Variants in CACNA1D observed in about 807,000 individuals in gnomAD.
The protein encoded by CACNA1D is voltage-dependent L-type calcium channel subunit alpha-1D.
CACNA1D carries 55 observed loss-of-function variants against 257.1 expected under a neutral mutation model. The observed-to-expected ratio is 0.21, with a 90% CI of 0.17 to 0.27. CACNA1D has a LOEUF of 0.27. Ranked by LOEUF, CACNA1D falls within the 10% of genes least tolerant of loss-of-function variation. CACNA1D has a pLI of 1.00. For missense variants in CACNA1D, 1,876 were observed against 2,784.0 expected (o/e 0.67, Z 7.34); for synonymous variants, 980 against 1,014.9 (o/e 0.97, Z 0.65).
At chr3:53,613,188 T>C (rs954728172) in intron 3 of CACNA1D, among the ~76,000 whole-genome samples, 1 of 152,272 alleles carries the variant, frequency 6.6e-6, no homozygotes, top group Non-Finnish European at 1.5e-5. Flanking sequence ...TTCTCTATAA[T>C]GTATTTATCA....
chr3:53,759,510 G>A (rs2095287785), intron 29 of CACNA1D, among the ~76,000 whole-genome samples: 1 of 152,244 alleles, frequency 6.6e-6, no homozygotes. Flanking sequence ...CGAACGCTGG[G>A]TCTCCTCCGC....
Position 53,495,199 on chromosome 3 carries a change from G to C in CACNA1D, c.33G>C (p.Gln11His). ...TGATGATGATGATGAAAAAAATGCA[G>C]CATCAACGGCAGCAGCAAGCGGACC... Reference protein sequence around the residue: MMMMMMMKKMQHQRQQQADHA... With the variant: MMMMMMMKKMHHQRQQQADHA... Residue 11 changes from glutamine (Q) to histidine (H), a missense_variant, in exon 1 of 48, where the codon CAG becomes CAC. By Grantham distance (24) the Gln-to-His change is conservative. Coordinates refer to ENST00000350061, the MANE Select transcript of CACNA1D (RefSeq NM_001128840.3). The surrounding 1 kb of genome is among the most constrained non-coding windows in gnomAD (Gnocchi z 5.1). The C allele has an allele frequency of 6.2e-7, 1 of 1,613,626 alleles. No individual in the cohort carries two copies. The highest frequency in any genetic ancestry group is 1.1e-5 in the South Asian group (1 of 91,072).
intron 15 of CACNA1D, among the ~76,000 whole-genome samples, chr3:53,729,499 G>T (rs1347133613): frequency 6.6e-6 from 1 of 152,016 alleles, no homozygotes; most frequent in Non-Finnish European, 1.5e-5. Context: ...CACAGAAGGG[G>T]GCCTTCTCAC....
chr3:53,596,826 A>G (rs1029514905), intron 3 of CACNA1D, among the ~76,000 whole-genome samples: 2 of 152,242 alleles, frequency 1.3e-5, no homozygotes, highest in African/African-American at 4.8e-5. Flanking sequence ...TGTTGTTTTA[A>G]GCTACTAAAT....
At chr3:53,655,949 T>G (rs1401060880) in intron 4 of CACNA1D, among the ~76,000 whole-genome samples, 1 of 152,228 alleles carries the variant, frequency 6.6e-6, no homozygotes, top group African/African-American at 2.4e-5. Context: ...TTGAGTTGAT[T>G]TTTGTATATA....
Position 53,495,755 on chromosome 3 carries a change from A to G in CACNA1D, c.67+522A>G, listed in dbSNP as rs1436484953. On this transcript the variant is annotated intron_variant, in intron 1 of 47. Coordinates refer to ENST00000350061, the MANE Select transcript of CACNA1D (RefSeq NM_001128840.3). The surrounding 1 kb of genome is among the most constrained non-coding windows in gnomAD (Gnocchi z 5.1). ...CTCGCGGGGGAGGCCCGGCCTCGGT[A>G]TCGGGGAAAGGGGTTCGGGTGGAGC... Among the ~76,000 whole-genome samples, 3 of 152,166 alleles carry G rather than the reference A, an allele frequency of 2.0e-5. No individual in the cohort carries two copies. The highest frequency in any genetic ancestry group is 6.5e-5 in the Admixed American group (1 of 15,288).
chr3:53,608,452 A>G (rs1268796563), intron 3 of CACNA1D, among the ~76,000 whole-genome samples: 3 of 152,206 alleles, frequency 2.0e-5, no homozygotes, highest in Non-Finnish European at 4.4e-5. Context: ...CTCCCGTTAT[A>G]ATCGGTAAGC....
chr3:53,579,807 C>G (rs933873061), intron 3 of CACNA1D, among the ~76,000 whole-genome samples: 5 of 152,176 alleles, frequency 3.3e-5, no homozygotes, highest in African/African-American at 1.2e-4. Flanking sequence ...TCCTGTCTGG[C>G]ACAGACACAG....
chr3:53,546,975 TATAGTACCAAACA>T (rs2092426235), intron 3 of CACNA1D, among the ~76,000 whole-genome samples: 1 of 152,244 alleles, frequency 6.6e-6, no homozygotes, highest in African/African-American at 2.4e-5. Flanking sequence ...ACTATACTTA[TATAGTACCAAACA>T]TTGGCCCAAA....
chr3:53,632,336 C>G (rs928920609), intron 3 of CACNA1D, among the ~76,000 whole-genome samples: 6 of 152,236 alleles, frequency 3.9e-5, no homozygotes, highest in Non-Finnish European at 8.8e-5. Context: ...GCAGCTTCTT[C>G]AGCCTTTATA....
intron 7 of CACNA1D, 88 bp from the exon 8 acceptor site, chr3:53,672,935 G>T: frequency 2.4e-6 from 2 of 828,338 alleles, no homozygotes; most frequent in East Asian, 2.7e-5. Context: ...TTAATTAAAT[G>T]TATAGAATGC....
intron 9 of CACNA1D, among the ~76,000 whole-genome samples, chr3:53,715,799 T>A (rs535123347): frequency 6.6e-6 from 1 of 152,322 alleles, no homozygotes; most frequent in African/African-American, 2.4e-5. Context: ...AGTGGAGCCC[T>A]GGCACAGTGC....
At chr3:53,707,184 G>A (rs943609090) in intron 9 of CACNA1D, among the ~76,000 whole-genome samples, 10 of 152,020 alleles carry the variant, frequency 6.6e-5, no homozygotes, top group East Asian at 3.9e-4. Context: ...CACTGCATGC[G>A]TCTGCGATGC....
chr3:53,625,374 G>C (rs549588239), intron 3 of CACNA1D, among the ~76,000 whole-genome samples: 1 of 152,120 alleles, frequency 6.6e-6, no homozygotes, highest in Non-Finnish European at 1.5e-5. Context: ...ACCTTCTCTC[G>C]AGGGTTCAGA....
Position 53,730,543 on chromosome 3 carries a change from A to G in CACNA1D, c.2323A>G (p.Lys775Glu), listed in dbSNP as rs1378670081. The change falls in exon 16 of 48, where the codon AAA becomes GAA. Residue 775 changes from lysine to glutamate, a missense_variant. By Grantham distance (56) the Lys-to-Glu change is moderately conservative. Around this residue, in one of 10 missense-constraint regions of CACNA1D, gnomAD observed 78 missense variants for 69.2 expected, o/e 1.13. Coordinates refer to ENST00000350061, the MANE Select transcript of CACNA1D (RefSeq NM_001128840.3). ...QKEEAEEKER[K>E]KIARKESLEN... The stretch of plus-strand genomic sequence containing the variant: ...AGAAGAAGCGGAAGAAAAGGAGAGG[A>G]AAAAGATTGCCAGGTAACCCTATTT... 6 of 1,611,792 alleles carry G rather than the reference A, an allele frequency of 3.7e-6. No homozygotes were observed. Among genetic ancestry groups the G allele is most frequent in the Non-Finnish European group, 5.1e-6 (6 of 1,177,828 alleles).
chr3:53,660,574 A>G (rs990549578), intron 5 of CACNA1D, among the ~76,000 whole-genome samples: 4 of 151,766 alleles, frequency 2.6e-5, no homozygotes, highest in Non-Finnish European at 4.4e-5. Flanking sequence ...ATTCCAGTCT[A>G]TTTTTCCTCT....
chr3:53,655,475 A>C (rs182456964), intron 4 of CACNA1D, among the ~76,000 whole-genome samples: 18 of 152,294 alleles, frequency 1.2e-4, no homozygotes, highest in Admixed American at 9.2e-4. Flanking sequence ...CCTCGTCAGC[A>C]TCTGTTATTT....
At chr3:53,597,722 T>C (rs1263478535) in intron 3 of CACNA1D, among the ~76,000 whole-genome samples, 1 of 152,192 alleles carries the variant, frequency 6.6e-6, no homozygotes, top group Non-Finnish European at 1.5e-5. Flanking sequence ...CAGAGGCTTG[T>C]ACAGGAGACA....
intron 3 of CACNA1D, among the ~76,000 whole-genome samples, chr3:53,642,085 G>C (rs1399028151): frequency 6.6e-6 from 1 of 152,172 alleles, no homozygotes; most frequent in Non-Finnish European, 1.5e-5. Context: ...GGGAGGGGAG[G>C]GGAGAGAAGG....
Sources: gnomAD v4.1 joint callset for allele counts (sites outside exome capture counted in the v4.1 genomes callset) on GRCh38, gnomAD v4.1.1 for gene constraint, gnomAD v4.1.1 regional missense constraint, Gnocchi (gnomAD v3.1) non-coding constraint, MANE v1.5 for transcripts, NCBI Gene and HGNC (gene_info 2026-07-23, HGNC 2026-07-21) for gene names.